Variants in GRIP1 observed in about 807,000 individuals in gnomAD.
The protein encoded by GRIP1 is glutamate receptor interacting protein 1.
GRIP1 carries 45 observed loss-of-function variants against 129.9 expected under a neutral mutation model. That is an observed-to-expected ratio of 0.35 (90% CI 0.27 to 0.44). The LOEUF (loss-of-function observed/expected upper bound fraction) is 0.44, where lower values mean the gene tolerates loss of function less well. Among genes scored for constraint, GRIP1 ranks in the 20% least tolerant of loss-of-function variants. The pLI is 1.00. For missense variants in GRIP1, 1,196 were observed against 1,396.8 expected (o/e 0.86, Z 2.29); for synonymous variants, 530 against 520.8 (o/e 1.02, Z -0.24).
At chr12:66,668,209 A>AT (rs746197381) in intron 1 of GRIP1, among the ~76,000 whole-genome samples, 24 of 152,234 alleles carry the variant, frequency 1.6e-4, no homozygotes, top group Non-Finnish European at 2.2e-4. Flanking sequence ...ATCACAAGGA[A>AT]TTAATCACTC....
chr12:66,874,358 T>A (rs1448185996), intron 1 of GRIP1, among the ~76,000 whole-genome samples: 2 of 152,118 alleles, frequency 1.3e-5, no homozygotes, highest in African/African-American at 4.8e-5. Flanking sequence ...ATAGTTCATA[T>A]ACCACAGTGC....
intron 1 of GRIP1, among the ~76,000 whole-genome samples, chr12:66,939,803 T>C (rs569992591): frequency 4.6e-5 from 7 of 152,192 alleles, no homozygotes; most frequent in Non-Finnish European, 1.0e-4. Flanking sequence ...ACTGTAACTA[T>C]ACTTCATTCA....
chr12:67,061,510 AC>A (rs1234453058), intron 1 of GRIP1, among the ~76,000 whole-genome samples: 1 of 152,206 alleles, frequency 6.6e-6, no homozygotes, highest in Non-Finnish European at 1.5e-5. Flanking sequence ...GTATATTAAA[AC>A]TTTATTCACA....
rs372517433 is a variant in GRIP1, at chr12:66,816,761, C to T, written c.59-219834G>A. On this transcript the variant is annotated intron_variant, in intron 1 of 1. Transcript: ENST00000643019. ...TGAAAATTTTCTGAATGACAAGAAA[C>T]AAGAATTCTAACAGTAGACTTTGAA... Among the ~76,000 whole-genome samples, 19 of 152,122 alleles carry T rather than the reference C, an allele frequency of 1.2e-4. 1 individual carries two copies. Among genetic ancestry groups the T allele is most frequent in the African/African-American group, 4.3e-4 (18 of 41,520 alleles).
At chr12:67,058,607 T>C (rs1364662983) in intron 1 of GRIP1, among the ~76,000 whole-genome samples, 2 of 152,202 alleles carry the variant, frequency 1.3e-5, no homozygotes, top group African/African-American at 4.8e-5. Flanking sequence ...AAAGGGCAGA[T>C]TTCTAGTAAA....
At chr12:66,727,642 T>C (rs2036297810) in intron 1 of GRIP1, among the ~76,000 whole-genome samples, 1 of 152,164 alleles carries the variant, frequency 6.6e-6, no homozygotes. Context: ...AAGGGAAAAA[T>C]GCAGAATTAG....
rs962548991 is a variant in GRIP1, at chr12:66,747,736, A to G, written c.-420+56317T>C. On this transcript the variant is annotated intron_variant, in intron 1 of 4. Coordinates refer to the GRIP1 transcript ENST00000538373. ...TAATCTACAAAATGGGTTTAATAAT[A>G]CCAACATTTTTTTCCCCCAGGGTTG... 1.2e-4 allele frequency among the ~76,000 whole-genome samples: 18 copies of G among 152,162 alleles called. 1 individual carries two copies. Among genetic ancestry groups the G allele is most frequent in the South Asian group, 4.1e-4 (2 of 4,824 alleles).
intron 7 of GRIP1, among the ~76,000 whole-genome samples, chr12:66,478,680 AT>A (rs2059700071): frequency 2.7e-5 from 4 of 148,558 alleles, no homozygotes; most frequent in African/African-American, 9.8e-5. Flanking sequence ...CATATACACC[AT>A]GGAATACTAT....
chr12:67,004,636 G>T (rs908666601), intron 1 of GRIP1, among the ~76,000 whole-genome samples: 2 of 151,886 alleles, frequency 1.3e-5, no homozygotes, highest in Non-Finnish European at 2.9e-5. Flanking sequence ...TGGTTGGATG[G>T]GAATTAAAGA....
intron 1 of GRIP1, among the ~76,000 whole-genome samples, chr12:67,001,360 A>G (rs917495499): frequency 6.6e-6 from 1 of 152,166 alleles, no homozygotes; most frequent in African/African-American, 2.4e-5. Context: ...ATCAGGATCC[A>G]TGCACAATCA....
chr12:66,914,913 C>G (rs771320070), intron 1 of GRIP1, among the ~76,000 whole-genome samples: 3 of 152,150 alleles, frequency 2.0e-5, no homozygotes, highest in Admixed American at 6.5e-5. Context: ...TCACTTGAAT[C>G]CAGGAGTTTG....
At chr12:66,369,188 T>A (rs1191592084) in intron 23 of GRIP1, among the ~76,000 whole-genome samples, 1 of 152,150 alleles carries the variant, frequency 6.6e-6, no homozygotes, top group African/African-American at 2.4e-5. Flanking sequence ...AAAAGAAGCA[T>A]CCTACTTATA....
At chr12:66,576,275 G>A (rs1379757249) in intron 2 of GRIP1, among the ~76,000 whole-genome samples, 2 of 152,230 alleles carry the variant, frequency 1.3e-5, no homozygotes, top group African/African-American at 4.8e-5. Flanking sequence ...CATGAACTGA[G>A]TGAAAATGAT....
chr12:66,422,717 A>ACAGCT (rs1302641022), intron 14 of GRIP1, among the ~76,000 whole-genome samples: 1 of 152,192 alleles, frequency 6.6e-6, no homozygotes, highest in East Asian at 1.9e-4. Context: ...TCAAACCTAC[A>ACAGCT]CAGCTTTGCA....
At chr12:66,571,597 A>G (rs2062961945) in intron 2 of GRIP1, among the ~76,000 whole-genome samples, 1 of 152,158 alleles carries the variant, frequency 6.6e-6, no homozygotes, top group Non-Finnish European at 1.5e-5. Flanking sequence ...TTAAAAGCAC[A>G]ATGCCCTATT....
chr12:66,627,809 G>GA (rs1267870675), intron 1 of GRIP1, among the ~76,000 whole-genome samples: 1 of 152,108 alleles, frequency 6.6e-6, no homozygotes, highest in Non-Finnish European at 1.5e-5. Flanking sequence ...TACAAAGGAA[G>GA]AAAATCTCCT....
intron 1 of GRIP1, among the ~76,000 whole-genome samples, chr12:66,729,052 A>AT (rs11290586): frequency 0.058 from 8,586 of 146,918 alleles, 324 homozygotes; most frequent in East Asian, 0.19. Context: ...AAATACGTTA[A>AT]TTTTTTTTTT....
intron 1 of GRIP1, among the ~76,000 whole-genome samples, chr12:66,667,738 TAA>T (rs923100665): frequency 6.6e-5 from 10 of 152,164 alleles, no homozygotes; most frequent in African/African-American, 2.4e-4. Context: ...ATGAATTTCT[TAA>T]GAGACTGGCT....
intron 1 of GRIP1, among the ~76,000 whole-genome samples, chr12:66,830,831 AT>A (rs113993317): frequency 0.3 from 42,005 of 138,942 alleles, 6,255 homozygotes; most frequent in East Asian, 0.57. Context: ...TGGTATCTGA[AT>A]TTTTTTTTTT....
Sources: allele counts gnomAD v4.1 joint callset (sites outside exome capture counted in the v4.1 genomes callset), GRCh38; gene constraint gnomAD v4.1.1; transcripts MANE v1.5; gene names NCBI Gene and HGNC (gene_info 2026-07-23, HGNC 2026-07-21).